PARD3B: variants seen among roughly 807,000 people sequenced by gnomAD.
The protein encoded by PARD3B is par-3 family cell polarity regulator beta.
In PARD3B, 103 loss-of-function variants were observed where a neutral mutation model predicts 130.2. The ratio of observed to expected loss-of-function variants is 0.79; its 90% CI spans 0.67 to 0.93. The LOEUF (loss-of-function observed/expected upper bound fraction) is 0.93, where lower values mean the gene tolerates loss of function less well. PARD3B is among the 40% of genes least tolerant of loss of function. The probability of loss-of-function intolerance (pLI) is 0.00; values close to 1 mark genes in which losing one functional copy is unlikely to be tolerated. For missense variants in PARD3B, 1,609 were observed against 1,499.2 expected (o/e 1.07, Z -1.21); for synonymous variants, 583 against 553.2 (o/e 1.05, Z -0.76).
chr2:205,406,680 TTTTTTTTTA>T (rs1254665207), intron 19 of PARD3B, among the ~76,000 whole-genome samples: 2,779 of 143,080 alleles, frequency 0.019, 89 homozygotes, highest in African/African-American at 0.07. Flanking sequence ...TTTTTTTTTT[TTTTTTTTTA>T]AAGACAGAGT....
chr2:205,548,717 T>C (rs2052481848), intron 21 of PARD3B, among the ~76,000 whole-genome samples: 1 of 152,134 alleles, frequency 6.6e-6, no homozygotes, highest in African/African-American at 2.4e-5. Flanking sequence ...TTGATGGTGA[T>C]TTTTTTGATA....
chr2:204,855,659 A>C (rs370871212), intron 2 of PARD3B, among the ~76,000 whole-genome samples: 1 of 151,904 alleles, frequency 6.6e-6, no homozygotes, highest in African/African-American at 2.4e-5. Flanking sequence ...CCTCCAGTCT[A>C]ATGAAACTTT....
intron 7 of PARD3B, among the ~76,000 whole-genome samples, chr2:205,119,673 T>C (rs1444232709): frequency 6.6e-6 from 1 of 151,932 alleles, no homozygotes; most frequent in East Asian, 1.9e-4. Context: ...TCCCAGCTAC[T>C]TGGGAGGCTG....
At chr2:205,521,022 C>T (rs995289545) in intron 21 of PARD3B, among the ~76,000 whole-genome samples, 24 of 149,380 alleles carry the variant, frequency 1.6e-4, no homozygotes, top group Non-Finnish European at 1.8e-4. Flanking sequence ...TAGTATGAGG[C>T]GATGAAATTT....
At chr2:205,501,988 G>T (rs1332025557) in intron 21 of PARD3B, among the ~76,000 whole-genome samples, 2 of 152,068 alleles carry the variant, frequency 1.3e-5, no homozygotes, top group South Asian at 2.1e-4. Context: ...AGACAATCGG[G>T]GTCTGAGGCT....
At chr2:204,679,212 T>C (rs1329985635) in intron 1 of PARD3B, among the ~76,000 whole-genome samples, 2 of 152,218 alleles carry the variant, frequency 1.3e-5, no homozygotes, top group Non-Finnish European at 2.9e-5. Context: ...ATATTTGAGC[T>C]ATTTCCAGAT....
rs150496998 is a variant in PARD3B at position 204,816,671 on chromosome 2, TA to T, written c.222+130390del. On this transcript the variant is annotated intron_variant, in intron 2 of 22. Transcript: ENST00000406610. The stretch of plus-strand genomic sequence containing the variant: ...TGTTTTTCCTGGCTCCTTTTAAGAT[TA>T]TTTTTTTTTTACCACTGATTTTAAA... Among the ~76,000 whole-genome samples, 558 of 152,022 alleles carry T rather than the reference TA, an allele frequency of 3.7e-3. 6 individuals carry two copies. The highest frequency in any genetic ancestry group is 0.012 in the African/African-American group (503 of 41,478).
chr2:205,248,920 T>C (rs2039703468), intron 16 of PARD3B, among the ~76,000 whole-genome samples: 1 of 152,054 alleles, frequency 6.6e-6, no homozygotes, highest in Admixed American at 6.6e-5. Flanking sequence ...CTCACCATTC[T>C]TAAAAGGAAT....
chr2:204,838,032 G>T (rs1325691477), intron 2 of PARD3B, among the ~76,000 whole-genome samples: 1 of 152,090 alleles, frequency 6.6e-6, no homozygotes, highest in Non-Finnish European at 1.5e-5. Context: ...AATGGGGGGA[G>T]AGACAGATAC....
rs73058135 is a variant in PARD3B at position 205,483,771 on chromosome 2, T to C, written c.3045-16125T>C. 2.6e-3 allele frequency among the ~76,000 whole-genome samples: 394 copies of C among 152,220 alleles called. 1 individual carries two copies. The highest frequency in any genetic ancestry group is 9.0e-3 in the African/African-American group (375 of 41,554). ...ATGCCAAAGTAAATATATAAAGAAA[T>C]AACATAGTGATTCAATTTAAACCTT... is the stretch of plus-strand genomic sequence containing the variant. On this transcript the variant is annotated intron_variant, in intron 20 of 22. Coordinates refer to ENST00000406610, the MANE Select transcript of PARD3B (RefSeq NM_001302769.2).
chr2:205,216,201 C>G (rs1255914807), intron 15 of PARD3B, among the ~76,000 whole-genome samples: 1 of 152,092 alleles, frequency 6.6e-6, no homozygotes, highest in East Asian at 1.9e-4. Flanking sequence ...GTAACGTGCT[C>G]TATGGGTTAA....
At chr2:204,576,564 T>C (rs1199352247) in intron 1 of PARD3B, among the ~76,000 whole-genome samples, 1 of 152,160 alleles carries the variant, frequency 6.6e-6, no homozygotes, top group African/African-American at 2.4e-5. Context: ...ACTCCTCTAA[T>C]GCTGATGCAA....
At position 205,021,026 on chromosome 2, in the gene PARD3B, C is replaced by T. The variant is rs1449844460; in HGVS notation, c.395-26555C>T. On this transcript the variant is annotated intron_variant, in intron 3 of 22. Coordinates refer to ENST00000406610, the MANE Select transcript of PARD3B (RefSeq NM_001302769.2). This position sits in a 1 kb window ranked among gnomAD's most constrained non-coding sequence, Gnocchi z 4.5. ...CTCCCTAAGAGACCTTGCCTCTGAG[C>T]ATGTCAGCTGAAAAGATGGCAGAGT... Among the ~76,000 whole-genome samples the T allele has an allele frequency of 1.3e-5, 2 of 152,096 alleles. No homozygotes were observed. Among genetic ancestry groups the T allele is most frequent in the African/African-American group, 2.4e-5 (1 of 41,408 alleles).
intron 20 of PARD3B, among the ~76,000 whole-genome samples, chr2:205,452,786 C>T (rs2048148446): frequency 6.6e-6 from 1 of 152,148 alleles, no homozygotes; most frequent in Non-Finnish European, 1.5e-5. Context: ...TAGACAATCT[C>T]CTCCTTTATT....
chr2:204,688,757 G>T (rs1443995489), intron 2 of PARD3B, among the ~76,000 whole-genome samples: 1 of 152,042 alleles, frequency 6.6e-6, no homozygotes, highest in East Asian at 1.9e-4. Flanking sequence ...ATGCTTTGTG[G>T]ATGCTTAATG....
At chr2:205,399,892 G>A (rs1459227214) in intron 18 of PARD3B, among the ~76,000 whole-genome samples, 1 of 152,132 alleles carries the variant, frequency 6.6e-6, no homozygotes, top group Non-Finnish European at 1.5e-5. Context: ...ATTAGAGAGT[G>A]ATTGTGCATA....
chr2:204,714,957 T>A (rs2038649256), intron 2 of PARD3B, among the ~76,000 whole-genome samples: 1 of 152,206 alleles, frequency 6.6e-6, no homozygotes, highest in African/African-American at 2.4e-5. Context: ...ATTAGAGGTA[T>A]CCTAAGCAAT....
chr2:205,408,767 C>A (rs951420604), intron 19 of PARD3B, among the ~76,000 whole-genome samples: 1 of 152,130 alleles, frequency 6.6e-6, no homozygotes, highest in African/African-American at 2.4e-5. Context: ...ATTACATACA[C>A]ATGATTAATT....
intron 2 of PARD3B, among the ~76,000 whole-genome samples, chr2:204,952,423 A>G (rs1575403449): frequency 1.3e-5 from 2 of 152,328 alleles, no homozygotes; most frequent in South Asian, 4.1e-4. Context: ...ATAAAATATT[A>G]CTGGTTCCAG....
Sources: gnomAD v4.1 joint callset for allele counts (sites outside exome capture counted in the v4.1 genomes callset) on GRCh38, gnomAD v4.1.1 for gene constraint, Gnocchi (gnomAD v3.1) non-coding constraint, MANE v1.5 for transcripts, NCBI Gene and HGNC (gene_info 2026-07-23, HGNC 2026-07-21) for gene names.